MLST8: variants seen among roughly 807,000 people sequenced by gnomAD.
MLST8 encodes the protein MTOR associated protein MLST8, also known as target of rapamycin complex subunit LST8.
MLST8 carries 20 observed loss-of-function variants against 41.3 expected under a neutral mutation model. That is an observed-to-expected ratio of 0.48 (90% CI 0.34 to 0.70). MLST8 has a LOEUF of 0.70. MLST8 is among the 30% of genes least tolerant of loss of function. MLST8 has a pLI of 0.01. For synonymous variants in MLST8, 243 were observed against 183.0 expected, an observed-to-expected ratio of 1.33 and a Z score of -2.65; for missense variants, 422 against 454.3, an observed-to-expected ratio of 0.93 and a Z score of 0.65.
intron 4 of MLST8, 150 bp downstream of exon 4, chr16:2,206,809 T>A (rs2093300261): frequency 8.5e-6 from 9 of 1,055,018 alleles, no homozygotes; most frequent in Non-Finnish European, 8.6e-6. Flanking sequence ...GAGAGTGAAT[T>A]GCATCAGAGC....
intron 7 of MLST8, 43 bp from the exon 8 acceptor site, chr16:2,208,407 A>G: frequency 6.2e-7 from 1 of 1,608,498 alleles, no homozygotes; most frequent in Non-Finnish European, 8.5e-7. Flanking sequence ...GGGCTGCTGG[A>G]TGGAGTGGCT....
At chr16:2,208,125 C>T in intron 6 of MLST8, 85 bp from the exon 7 acceptor site, 1 of 1,494,224 alleles carries the variant, frequency 6.7e-7, no homozygotes, top group East Asian at 2.3e-5. Flanking sequence ...CACAGTTGGC[C>T]CCCAGTGTTG....
Position 2,208,599 on chromosome 16 carries a change from A to G in MLST8, c.848A>G (p.Gln283Arg). Residue 283 changes from glutamine to arginine, a missense_variant, in exon 8 of 9, where the codon CAG (glutamine) becomes CGG (arginine). Transcript: ENST00000569417. ...GGCTGCGCCTTCTCGGGGGACTCCCAGTACATCGTCACTGGTGAGCCCCGC... is the reference window on the plus strand; with the variant it reads ...GGCTGCGCCTTCTCGGGGGACTCCCGGTACATCGTCACTGGTGAGCCCCGC... ...MWGCAFSGDSQYIVTASSDNL... is the reference protein window; with the variant it reads ...MWGCAFSGDSRYIVTASSDNL... 1.2e-6 allele frequency: 2 copies of G among 1,612,430 alleles called. No homozygotes were observed.
chr16:2,206,672 G>T lies in MLST8; in HGVS notation c.344+13G>T. Reference sequence around the variant, plus strand: ...TCTGGGACCTCAGGTGCGGTGGGGAGGGGGCGTGCTGCCCGGGGCTGGGGT... The same window carrying T: ...TCTGGGACCTCAGGTGCGGTGGGGATGGGGCGTGCTGCCCGGGGCTGGGGT... On this transcript the variant is annotated intron_variant, in intron 4 of 8. Transcript: ENST00000569417. 1 of 1,611,384 alleles carries T rather than the reference G, an allele frequency of 6.2e-7. No individual in the cohort carries two copies. The highest frequency in any genetic ancestry group is 1.1e-5 in the South Asian group (1 of 91,068).
intron 7 of MLST8, 55 bp from the exon 8 acceptor site, chr16:2,208,395 A>G: frequency 1.2e-6 from 2 of 1,607,290 alleles, no homozygotes; most frequent in South Asian, 1.1e-5. Context: ...TGGAGAGGGG[A>G]GGGGCTGCTG....
intron 8 of MLST8, 32 bp downstream of exon 8, chr16:2,208,645 G>A (rs906171168): frequency 5.6e-6 from 9 of 1,611,704 alleles, no homozygotes; most frequent in Non-Finnish European, 6.8e-6. Flanking sequence ...CCCATCCCTG[G>A]CCCCCGGCGC....
chr16:2,205,882 C>G, intron 1 of MLST8, 149 bp from the exon 2 acceptor site: 3 of 1,380,538 alleles, frequency 2.2e-6, no homozygotes, highest in South Asian at 1.6e-5. Context: ...CCAGGTATCA[C>G]GCGTGTGACG....
chr16:2,208,664 A>G (rs1336191617), intron 8 of MLST8, 51 bp downstream of exon 8: 3 of 1,612,194 alleles, frequency 1.9e-6, no homozygotes, highest in Admixed American at 3.3e-5. Context: ...GCTGGCCTCC[A>G]GAGCCAGCCC....
chr16:2,206,723 G>A (rs764274453), intron 4 of MLST8, 64 bp downstream of exon 4: 1 of 1,574,222 alleles, frequency 6.4e-7, no homozygotes, highest in Non-Finnish European at 8.7e-7. Context: ...ACCGTTTTAG[G>A]TTGGGTTCTC....
Position 2,207,442 on chromosome 16 carries a change from C to T in MLST8, c.573+97C>T, listed in dbSNP as rs904473079. 2.9e-5 allele frequency: 42 copies of T among 1,466,030 alleles called. No homozygotes were observed. The Admixed American group carries it at 5.9e-4, about 21-fold the overall frequency. The allele number at this position is 1,466,030 out of a possible 1,614,324, so 90.8% of individuals were successfully genotyped here. A position where few individuals can be genotyped will look rare whatever the true frequency, so the allele number is the denominator to read the frequency against. ...TTCCTGGATGTCCCTTAGCGGCCCC[C>T]TCCTGCTTTCCCCATCCCGGGCACT... On this transcript the variant is annotated intron_variant, in intron 6 of 8. Coordinates refer to ENST00000569417, the MANE Select transcript of MLST8 (RefSeq NM_022372.6).
At chr16:2,207,656 C>T (rs1477992747) in intron 6 of MLST8, 5 of 418,332 alleles carry the variant, frequency 1.2e-5, no homozygotes, top group Non-Finnish European at 1.3e-5. Context: ...TCTGAGGCTT[C>T]CTTTCCCCCT....
At chr16:2,205,703 G>T (rs964191975) in intron 1 of MLST8, 191 bp downstream of exon 1, 5 of 996,010 alleles carry the variant, frequency 5.0e-6, no homozygotes, top group Non-Finnish European at 6.0e-6. Context: ...CAGCCGCAGC[G>T]CTCGGCTTTC....
Position 2,209,217 on chromosome 16 carries a change from T to A in MLST8, c.*340T>A. ...TTCTCTGCCCCTCCCTGCCCGCGTT[T>A]CAGGGCCTCGGTCCATAGAGAACAC... On this transcript the variant is annotated 3_prime_UTR_variant, in exon 9 of 9. Transcript: ENST00000569417. 1 of 794,096 alleles carries A rather than the reference T, an allele frequency of 1.3e-6. No homozygotes were observed. Among genetic ancestry groups the A allele is most frequent in the South Asian group, 1.8e-5 (1 of 55,932 alleles). The allele number at this position is 794,096 out of a possible 1,614,324, so 49.2% of individuals were successfully genotyped here.
In MLST8 at chr16:2,208,105, G is replaced by A. The variant is rs970736245; in HGVS notation, c.574-105G>A. 6 of 1,383,678 alleles carry A rather than the reference G, an allele frequency of 4.3e-6. No homozygotes were observed. In the African/African-American group the frequency reaches 8.8e-5, roughly 20 times the overall value. The allele number at this position is 1,383,678 out of a possible 1,614,324, so 85.7% of individuals were successfully genotyped here. A position where few individuals can be genotyped will look rare whatever the true frequency, so the allele number is the denominator to read the frequency against. On this transcript the variant is annotated intron_variant, in intron 6 of 8. Transcript: ENST00000569417. ...AGGGGCCTGCCTGCCCCTCACCCGG[G>A]GTCCCCATGCACAGTTGGCCCCCAG...
intron 6 of MLST8, 71 bp from the exon 7 acceptor site, chr16:2,208,139 C>G: frequency 6.6e-7 from 1 of 1,524,832 alleles, no homozygotes; most frequent in Non-Finnish European, 8.8e-7. Flanking sequence ...AGTGTTGGCC[C>G]CCAGGGCATC....
intron 3 of MLST8, 32 bp downstream of exon 3, chr16:2,206,441 A>G (rs781539094): frequency 6.2e-7 from 1 of 1,613,834 alleles, no homozygotes; most frequent in South Asian, 1.1e-5. Context: ...TAAACTCCTG[A>G]GCTCTGGTGG....
In MLST8 at chr16:2,207,044, C is replaced by T. The variant is rs1324860984; in HGVS notation, c.354C>T (p.Asn118=). 6.2e-7 allele frequency: 1 copy of T among 1,613,326 alleles called. No individual in the cohort carries two copies. Among genetic ancestry groups the T allele is most frequent in the Non-Finnish European group, 8.5e-7 (1 of 1,179,988 alleles). ...TARIWDLRSR[N]LQCQRIFQVN... The stretch of plus-strand genomic sequence containing the variant: ...CCGGCCCGGCCCGCAGGTCCCGGAA[C>T]CTGCAGTGCCAGCGGATCTTCCAGG... The change falls in exon 5 of 9, where the codon AAC becomes AAT. Residue 118 remains asparagine (N), a synonymous_variant. Transcript: ENST00000569417.
At chr16:2,208,696 C>T (rs766852084) in intron 8 of MLST8, 63 bp from the exon 9 acceptor site, 27 of 1,613,094 alleles carry the variant, frequency 1.7e-5, no homozygotes, top group South Asian at 2.2e-5. Flanking sequence ...AGCTTCCCCT[C>T]TGCTGGGGCC....
In MLST8 at chr16:2,209,255, C is replaced by T; in HGVS notation, c.*378C>T. 2 of 1,052,344 alleles carry T rather than the reference C, an allele frequency of 1.9e-6. No individual in the cohort carries two copies. The highest frequency in any genetic ancestry group is 1.4e-6 in the Non-Finnish European group (1 of 713,452). 65.2% of individuals were successfully genotyped at this position (1,052,344 alleles called of 1,614,324 possible). On this transcript the variant is annotated 3_prime_UTR_variant, in exon 9 of 9. Coordinates refer to ENST00000569417, the MANE Select transcript of MLST8 (RefSeq NM_022372.6). ...CCATAGAGAACACCACCACCATGGC[C>T]AGGTGGAAGGGTTTATTAGTCCCTG...
Sources: gnomAD v4.1 joint callset for allele counts on GRCh38, gnomAD v4.1.1 for gene constraint, MANE v1.5 for transcripts, NCBI Gene and HGNC (gene_info 2026-07-23, HGNC 2026-07-21) for gene names.